The following ENOX1 variants were observed in gnomAD, a reference collection of about 807,000 sequenced individuals.
The protein encoded by ENOX1 is candidate growth-related and time keeping constitutive hydroquinone (NADH) oxidase.
Under a neutral mutation model 82.5 loss-of-function variants are expected in ENOX1, and 42 were observed. The ratio of observed to expected loss-of-function variants is 0.51; its 90% CI spans 0.40 to 0.66. The LOEUF (loss-of-function observed/expected upper bound fraction) is 0.66. Ranked by LOEUF, ENOX1 falls within the 30% of genes least tolerant of loss-of-function variation. The pLI is 0.00. For synonymous variants in ENOX1, 271 were observed against 282.2 expected, an observed-to-expected ratio of 0.96 and a Z score of 0.40; for missense variants, 608 against 811.6, an observed-to-expected ratio of 0.75 and a Z score of 3.05.
intron 1 of ENOX1, among the ~76,000 whole-genome samples, chr13:43,773,460 G>C (rs1031366769): frequency 6.6e-6 from 1 of 152,114 alleles, no homozygotes; most frequent in Non-Finnish European, 1.5e-5. Context: ...CAGCATAATT[G>C]GGTCCTAACC....
intron 1 of ENOX1, among the ~76,000 whole-genome samples, chr13:43,757,284 C>T (rs188666242): frequency 1.3e-5 from 2 of 152,302 alleles, no homozygotes; most frequent in Admixed American, 1.3e-4. Context: ...TTTCCCCATC[C>T]CTTGAACCTG....
Position 43,356,009 on chromosome 13 carries a change from G to A in ENOX1, c.733C>T (p.Leu245=). 6.2e-7 allele frequency: 1 copy of A among 1,614,064 alleles called. No individual in the cohort carries two copies. Among genetic ancestry groups the A allele is most frequent in the Non-Finnish European group, 8.5e-7 (1 of 1,180,034 alleles). The part of the protein sequence containing the change: ...RAREERHRRK[L]EEDRLRPPSP... ...GGGGGCCTGAGCCGGTCCTCCTCCA[G>A]CTTGCGCCGGTGCCGCTCCTCCCGG... is the stretch of plus-strand genomic sequence containing the variant. Residue 245 remains leucine (L), a synonymous_variant, in exon 8 of 17, where the codon CTG becomes TTG. Transcript: ENST00000690772.
rs142414454 is a variant in ENOX1, at chr13:43,661,401, C to T, written c.-219+6078G>A. Among the ~76,000 whole-genome samples, 72 of 152,208 alleles carry T rather than the reference C, an allele frequency of 4.7e-4. No individual in the cohort carries two copies. In the East Asian group the frequency reaches 7.7e-3, roughly 16 times the overall value. On this transcript the variant is annotated intron_variant, in intron 2 of 16. Transcript: ENST00000690772. ...GAGGCCGGTGGAAGTTAAGTATAGA[C>T]GGGTGTCTGGACAAGTCTGAACACA...
intron 2 of ENOX1, among the ~76,000 whole-genome samples, chr13:43,522,322 T>C (rs1297399905): frequency 6.6e-6 from 1 of 152,118 alleles, no homozygotes; most frequent in Non-Finnish European, 1.5e-5. Context: ...CTGGGCTTAA[T>C]AAAAAATTGT....
intron 2 of ENOX1, among the ~76,000 whole-genome samples, chr13:43,548,472 T>G (rs2079058159): frequency 6.6e-6 from 1 of 152,260 alleles, no homozygotes; most frequent in African/African-American, 2.4e-5. Flanking sequence ...TGCTGCCCTC[T>G]GCATTGGCTT....
chr13:43,693,519 ACAGT>A (rs992990891), intron 1 of ENOX1, among the ~76,000 whole-genome samples: 1 of 151,976 alleles, frequency 6.6e-6, no homozygotes, highest in Non-Finnish European at 1.5e-5. Flanking sequence ...CATACACAAA[ACAGT>A]CAGCTACTAT....
intron 3 of ENOX1, among the ~76,000 whole-genome samples, chr13:43,438,491 A>G (rs1266847377): frequency 3.3e-5 from 5 of 152,232 alleles, no homozygotes; most frequent in Non-Finnish European, 7.3e-5. Context: ...ACCTCAAAGG[A>G]ATTGTTGGAT....
chr13:43,438,053 T>A (rs1570680), intron 3 of ENOX1, among the ~76,000 whole-genome samples: 57,799 of 152,030 alleles, frequency 0.38, 11,701 homozygotes, highest in South Asian at 0.47. Flanking sequence ...TGTGGCATGA[T>A]ACAGAAAATG....
At chr13:43,620,911 T>C (rs1002358028) in intron 2 of ENOX1, among the ~76,000 whole-genome samples, 1 of 152,224 alleles carries the variant, frequency 6.6e-6, no homozygotes, top group Non-Finnish European at 1.5e-5. Flanking sequence ...GTCATAGTTT[T>C]ATAAACTTGG....
chr13:43,669,792 C>T (rs1291443810), intron 1 of ENOX1, among the ~76,000 whole-genome samples: 1 of 152,140 alleles, frequency 6.6e-6, no homozygotes, highest in African/African-American at 2.4e-5. Flanking sequence ...ATTCTCCTAA[C>T]CCACTGCCAG....
chr13:43,263,058 A>ATG (rs66495325), intron 14 of ENOX1, among the ~76,000 whole-genome samples: 48,841 of 152,002 alleles, frequency 0.32, 8,099 homozygotes, highest in Middle Eastern at 0.36. Flanking sequence ...TTTGCAAAAT[A>ATG]TTGCCAGTGC....
intron 11 of ENOX1, among the ~76,000 whole-genome samples, chr13:43,310,581 A>T (rs2047145073): frequency 6.6e-6 from 1 of 152,174 alleles, no homozygotes; most frequent in Non-Finnish European, 1.5e-5. Flanking sequence ...CATGACACTG[A>T]TGATCCAGCA....
At chr13:43,242,786 T>G (rs999148789) in intron 14 of ENOX1, among the ~76,000 whole-genome samples, 6 of 152,212 alleles carry the variant, frequency 3.9e-5, no homozygotes, top group African/African-American at 1.4e-4. Context: ...ATTCTACTCT[T>G]TCACTCCTTT....
intron 2 of ENOX1, among the ~76,000 whole-genome samples, chr13:43,616,169 T>TATATAG (rs1566641800): frequency 1.3e-4 from 1 of 7,752 alleles, no homozygotes; most frequent in African/African-American, 2.0e-4. Flanking sequence ...TATCTATCTA[T>TATATAG]CTATCTATCT....
intron 2 of ENOX1, among the ~76,000 whole-genome samples, chr13:43,603,209 G>A (rs914645064): frequency 1.3e-5 from 2 of 151,818 alleles, no homozygotes; most frequent in African/African-American, 4.8e-5. Flanking sequence ...TTTTAAACAT[G>A]CCATGCTCTT....
At chr13:43,363,121 CA>C (rs2153561542) in intron 5 of ENOX1, among the ~76,000 whole-genome samples, 1 of 152,244 alleles carries the variant, frequency 6.6e-6, no homozygotes, top group South Asian at 2.1e-4. Context: ...TTGCTCAGTA[CA>C]AACTGACACA....
chr13:43,544,954 A>C (rs796349956), intron 2 of ENOX1: 4 of 152,292 alleles, frequency 2.6e-5, no homozygotes, highest in African/African-American at 9.6e-5. Context: ...AACTATATTG[A>C]ACACAGAGGT....
chr13:43,441,296 C>T (rs2056342186), intron 3 of ENOX1, among the ~76,000 whole-genome samples: 1 of 152,170 alleles, frequency 6.6e-6, no homozygotes, highest in Admixed American at 6.5e-5. Flanking sequence ...TCCTTATTAA[C>T]TAATGACTCC....
chr13:43,273,913 T>C (rs1033901898), intron 12 of ENOX1, among the ~76,000 whole-genome samples: 3 of 152,306 alleles, frequency 2.0e-5, no homozygotes, highest in Non-Finnish European at 4.4e-5. Flanking sequence ...TAATATATAA[T>C]AGCTGCTGAA....
Sources: allele counts gnomAD v4.1 joint callset (sites outside exome capture counted in the v4.1 genomes callset), GRCh38; gene constraint gnomAD v4.1.1; transcripts MANE v1.5; gene names NCBI Gene and HGNC (gene_info 2026-07-23, HGNC 2026-07-21).